The following CASK variants were observed in gnomAD, a reference collection of about 807,000 sequenced individuals.
The protein encoded by CASK is calcium/calmodulin dependent serine protein kinase, also known as peripheral plasma membrane protein CASK.
A neutral mutation model predicts 82.9 loss-of-function variants in CASK; 4 were observed. The observed-to-expected ratio is 0.05, with a 90% confidence interval of 0.02 to 0.11. The LOEUF (loss-of-function observed/expected upper bound fraction) is 0.11. CASK is among the 10% of genes least tolerant of loss of function. The pLI is 1.00. For missense variants in CASK, 358 were observed against 720.9 expected (o/e 0.50, Z 5.76); for synonymous variants, 259 against 253.5 (o/e 1.02, Z -0.20).
intron 5 of CASK, among the ~76,000 whole-genome samples, chrX:41,673,810 T>C (rs992761038): frequency 9.8e-6 from 1 of 102,027 alleles, no homozygotes; most frequent in Non-Finnish European, 2.0e-5. Flanking sequence ...GCCTTGAAAC[T>C]GTGGTGAGAA....
intron 12 of CASK, among the ~76,000 whole-genome samples, chrX:41,591,718 G>A (rs1370691313): frequency 2.7e-5 from 3 of 109,794 alleles, no homozygotes; most frequent in Non-Finnish European, 1.9e-5. Context: ...CTTGTGATCC[G>A]CCCGCCTCGG....
intron 3 of CASK, among the ~76,000 whole-genome samples, chrX:41,755,420 G>A (rs1329678315): frequency 9.0e-6 from 1 of 111,359 alleles, no homozygotes; most frequent in Admixed American, 9.6e-5. Flanking sequence ...GTTTACCCGA[G>A]GAATGCAAAA....
chrX:41,830,468 C>T (rs2070769444), intron 2 of CASK, among the ~76,000 whole-genome samples: 1 of 111,402 alleles, frequency 9.0e-6, no homozygotes, highest in African/African-American at 3.3e-5. Context: ...TAATAGCAAG[C>T]TGTACAACAA....
chrX:41,735,678 C>T (rs1282745449), intron 5 of CASK, among the ~76,000 whole-genome samples: 2 of 110,130 alleles, frequency 1.8e-5, no homozygotes, highest in African/African-American at 6.6e-5. Flanking sequence ...TCAGCCACAC[C>T]GGCCTCCTTG....
At chrX:41,683,121 A>C (rs1232075544) in intron 5 of CASK, 1 of 111,043 alleles carries the variant, frequency 9.0e-6, no homozygotes, top group Non-Finnish European at 1.9e-5. Context: ...GCTGACAAAA[A>C]CTGATCCTCC....
chrX:41,862,752 C>T (rs923449272), intron 1 of CASK, among the ~76,000 whole-genome samples: 20 of 110,144 alleles, frequency 1.8e-4, no homozygotes, highest in Non-Finnish European at 3.2e-4. Flanking sequence ...AAAGTAAAGG[C>T]GACAGAGAGA....
chrX:41,916,798 G>A (rs763771202), intron 1 of CASK, among the ~76,000 whole-genome samples: 1 of 112,294 alleles, frequency 8.9e-6, no homozygotes, highest in South Asian at 3.7e-4. Flanking sequence ...GGTTTGGCAA[G>A]TTAGGGGTAA....
chrX:41,835,692 T>C (rs1416101463), intron 2 of CASK, among the ~76,000 whole-genome samples: 1 of 112,080 alleles, frequency 8.9e-6, no homozygotes, highest in Non-Finnish European at 1.9e-5. Flanking sequence ...CAAGTATGAG[T>C]CATTTTAGTT....
chrX:41,630,023 C>T (rs929071559), intron 9 of CASK, among the ~76,000 whole-genome samples: 7 of 111,764 alleles, frequency 6.3e-5, no homozygotes, highest in African/African-American at 2.3e-4. Context: ...AGACTATTCA[C>T]AATCTGTTAA....
At chrX:41,696,149 T>G in intron 5 of CASK, 1 of 1,208,042 alleles carries the variant, frequency 8.3e-7, no homozygotes, top group Non-Finnish European at 1.1e-6. Flanking sequence ...AACAAAGTAT[T>G]TATGTCTGTT....
chrX:41,630,092 G>A (rs1426433031), intron 9 of CASK, among the ~76,000 whole-genome samples: 1 of 111,859 alleles, frequency 8.9e-6, no homozygotes, highest in African/African-American at 3.2e-5. Context: ...AAAGGAGAAG[G>A]CAGATTATAA....
intron 7 of CASK, among the ~76,000 whole-genome samples, chrX:41,663,459 A>G (rs2067067292): frequency 1.8e-5 from 2 of 112,507 alleles, no homozygotes; most frequent in Admixed American, 9.4e-5. Flanking sequence ...AGCTGCCACC[A>G]TCCATCTGAC....
At position 41,546,131 on chromosome X, in the gene CASK, G is replaced by A. The variant is rs753567237; in HGVS notation, c.2040-3325C>T. ...TGGGATTACGGGTGCCTGCCACCAC[G>A]CCCAGCTAATTTTTTATATTTTTAG... is the stretch of plus-strand genomic sequence containing the variant. On this transcript the variant is annotated intron_variant, in intron 21 of 26. Coordinates refer to ENST00000378163, the MANE Select transcript of CASK (RefSeq NM_001367721.1). Among the ~76,000 whole-genome samples, 14 of 111,269 alleles carry A rather than the reference G, an allele frequency of 1.3e-4. No homozygotes were observed. In the South Asian group the frequency reaches 3.4e-3, roughly 27 times the overall value.
intron 5 of CASK, among the ~76,000 whole-genome samples, chrX:41,693,429 C>T (rs1393878088): frequency 9.0e-6 from 1 of 110,802 alleles, no homozygotes; most frequent in African/African-American, 3.3e-5. Flanking sequence ...GCCTGGCCAA[C>T]GTGGTGAAAC....
At chrX:41,761,248 G>A (rs1207898360) in intron 3 of CASK, among the ~76,000 whole-genome samples, 1 of 110,857 alleles carries the variant, frequency 9.0e-6, no homozygotes, top group Admixed American at 9.7e-5. Context: ...TGGAATTCAT[G>A]GATTTTGGGG....
intron 15 of CASK, among the ~76,000 whole-genome samples, chrX:41,570,010 CTTT>C (rs397937722): frequency 2.8e-5 from 2 of 70,626 alleles, no homozygotes; most frequent in Non-Finnish European, 2.6e-5. Flanking sequence ...TTTCTTTTTT[CTTT>C]TTTTTTTTTT....
At chrX:41,609,525 G>C (rs929881361) in intron 12 of CASK, among the ~76,000 whole-genome samples, 1 of 109,872 alleles carries the variant, frequency 9.1e-6, no homozygotes, top group African/African-American at 3.3e-5. Context: ...TTCATGTAAA[G>C]TAAAAAGGTA....
At chrX:41,837,742 T>G (rs1013829219) in intron 2 of CASK, among the ~76,000 whole-genome samples, 1 of 112,099 alleles carries the variant, frequency 8.9e-6, no homozygotes. Context: ...ATTAACCCAT[T>G]GTAGGATATT....
chrX:41,839,959 C>T (rs1031927211), intron 2 of CASK, among the ~76,000 whole-genome samples: 1 of 111,971 alleles, frequency 8.9e-6, no homozygotes, highest in African/African-American at 3.2e-5. Flanking sequence ...CAATACTACA[C>T]TGTCATGATT....
Sources: allele counts gnomAD v4.1 joint callset (sites outside exome capture counted in the v4.1 genomes callset), GRCh38; gene constraint gnomAD v4.1.1; transcripts MANE v1.5; gene names NCBI Gene and HGNC (gene_info 2026-07-23, HGNC 2026-07-21).